Variants in FAM217B observed in about 807,000 individuals in gnomAD.
FAM217B encodes the protein family with sequence similarity 217 member B, also known as protein FAM217B.
For synonymous variants in FAM217B, 163 were observed against 173.0 expected, an observed-to-expected ratio of 0.94 and a Z score of 0.45; for missense variants, 463 against 456.9, an observed-to-expected ratio of 1.01 and a Z score of -0.12.
chr20:59,939,275 C>A, upstream of FAM217B: 1 of 1,612,286 alleles, frequency 6.2e-7, no homozygotes, highest in Non-Finnish European at 8.5e-7. Context: ...ACCGCGCCAC[C>A]GCCTCGTGGG....
In FAM217B at chr20:59,944,506, T is replaced by C; in HGVS notation, c.563T>C (p.Leu188Pro). 1 of 1,613,888 alleles carries C rather than the reference T, an allele frequency of 6.2e-7. No homozygotes were observed. The highest frequency in any genetic ancestry group is 8.5e-7 in the Non-Finnish European group (1 of 1,179,986). Reference sequence around the variant, plus strand: ...AAGTATATCGATAGACTTATTCAGCTTGAGTGGCTGCAAGTCCAGACTGTA... The same window carrying C: ...AAGTATATCGATAGACTTATTCAGCCTGAGTGGCTGCAAGTCCAGACTGTA... Reference protein sequence around the residue: ...LGKYIDRLIQLEWLQVQTVQC... With the variant: ...LGKYIDRLIQPEWLQVQTVQC... The change falls in exon 4 of 4, where the codon CTT (leucine) becomes CCT (proline). Residue 188 changes from leucine (L) to proline (P), a missense_variant. Coordinates refer to ENST00000360816, the MANE Select transcript of FAM217B (RefSeq NM_022106.3).
chr20:59,941,149 G>C (rs763335918), intron 1 of FAM217B, among the ~76,000 whole-genome samples: 1 of 152,214 alleles, frequency 6.6e-6, no homozygotes, highest in Admixed American at 6.5e-5. Context: ...ACAGCCTTTG[G>C]TGTAAAGCAT....
chr20:59,939,615 G>A, upstream of FAM217B: 3 of 1,592,166 alleles, frequency 1.9e-6, no homozygotes, highest in Non-Finnish European at 2.6e-6. Context: ...CAGGGCGTCG[G>A]CGAAGCGCAC....
chr20:59,938,943 ACAAC>A (rs1286504626), upstream of FAM217B: 2 of 1,306,590 alleles, frequency 1.5e-6, no homozygotes, highest in Non-Finnish European at 2.0e-6. Context: ...GTGGTGAAGA[ACAAC>A]CAGATAGATG....
chr20:59,942,812 T>A (rs1445607856), intron 3 of FAM217B, among the ~76,000 whole-genome samples: 2 of 152,190 alleles, frequency 1.3e-5, no homozygotes, highest in Non-Finnish European at 2.9e-5. Flanking sequence ...TTTTTATGGA[T>A]GCATACTGAC....
Position 59,944,548 on chromosome 20 carries a change from A to AG in FAM217B, c.611dup (p.Lys205GlnfsTer21), listed in dbSNP as rs762805656. The stretch of plus-strand genomic sequence containing the variant: ...CAGACTGTACAGTGTGAAAAAGCAA[A>AG]GGGGGGCAAAGCAAGGCCCCCCACT... On this transcript the variant is annotated frameshift_variant, in exon 4 of 4. Transcript: ENST00000360816. LOFTEE classifies it low-confidence loss of function (END_TRUNC). 10 of 1,613,936 alleles carry AG rather than the reference A, an allele frequency of 6.2e-6. No homozygotes were observed. Among genetic ancestry groups the AG allele is most frequent in the Admixed American group, 3.3e-5 (2 of 59,984 alleles).
Position 59,946,200 on chromosome 20 carries a change from A to G in FAM217B, c.*1105A>G, listed in dbSNP as rs781045254. 3 of 166,836 alleles carry G rather than the reference A, an allele frequency of 1.8e-5. No individual in the cohort carries two copies. The highest frequency in any genetic ancestry group is 7.3e-5 in the African/African-American group (3 of 41,354). 10.3% of individuals were successfully genotyped at this position (166,836 alleles called of 1,614,324 possible). A position where few individuals can be genotyped will look rare whatever the true frequency, so the allele number is the denominator to read the frequency against. ...GCTTATCTGGTCTTCAGGCTTCCCAACTCTCTCCAAGCCTTCTTATTTCAC... is the reference window on the plus strand; with the variant it reads ...GCTTATCTGGTCTTCAGGCTTCCCAGCTCTCTCCAAGCCTTCTTATTTCAC... On this transcript the variant is annotated 3_prime_UTR_variant, in exon 4 of 4. Coordinates refer to ENST00000360816, the MANE Select transcript of FAM217B (RefSeq NM_022106.3).
Position 59,944,143 on chromosome 20 carries a change from G to GT in FAM217B, c.201dup (p.Gln68SerfsTer7). ...AAAAGGAATCCACTCGGTTCCAGGT[G>GT]TCAGGGGGCCTCAGGGAATAAACTG... On this transcript the variant is annotated frameshift_variant, in exon 4 of 4. Transcript: ENST00000360816. LOFTEE classifies it low-confidence loss of function (END_TRUNC). 3 of 1,614,116 alleles carry GT rather than the reference G, an allele frequency of 1.9e-6. No homozygotes were observed. Among genetic ancestry groups the GT allele is most frequent in the Non-Finnish European group, 2.5e-6 (3 of 1,179,996 alleles).
At position 59,945,295 on chromosome 20, in the gene FAM217B, A is replaced by G. The variant is rs1240465849; in HGVS notation, c.*200A>G. On this transcript the variant is annotated 3_prime_UTR_variant, in exon 4 of 4. Coordinates refer to ENST00000360816, the MANE Select transcript of FAM217B (RefSeq NM_022106.3). The stretch of plus-strand genomic sequence containing the variant: ...TGTCTTTCAATAAGCCTTTCTTTGT[A>G]TTGTCAGTCTTAGGCAAATGAGAGC... 3.9e-6 allele frequency: 2 copies of G among 519,182 alleles called. No individual in the cohort carries two copies. The highest frequency in any genetic ancestry group is 6.9e-6 in the Non-Finnish European group (2 of 289,670). The allele number at this position is 519,182 out of a possible 1,614,324, so 32.2% of individuals were successfully genotyped here.
chr20:59,943,513 T>C (rs1451118635), intron 3 of FAM217B, among the ~76,000 whole-genome samples: 1 of 152,212 alleles, frequency 6.6e-6, no homozygotes, highest in East Asian at 1.9e-4. Context: ...TTAAAATAGG[T>C]GTATAAAATA....
chr20:59,944,354 A>T lies in FAM217B; in HGVS notation c.411A>T (p.Lys137Asn), dbSNP rs369470165. 6.2e-7 allele frequency: 1 copy of T among 1,613,724 alleles called. No homozygotes were observed. The highest frequency in any genetic ancestry group is 8.5e-7 in the Non-Finnish European group (1 of 1,179,944). Reference protein sequence around the residue: ...FDLHPGQGHTKPEYYYPNFLP... With the variant: ...FDLHPGQGHTNPEYYYPNFLP... ...TTCACCCTGGTCAGGGCCATACAAA[A>T]CCTGAATACTATTATCCTAATTTCC... Residue 137 changes from lysine (K) to asparagine (N), a missense_variant, in exon 4 of 4, where the codon AAA (lysine) becomes AAT (asparagine). Coordinates refer to ENST00000360816, the MANE Select transcript of FAM217B (RefSeq NM_022106.3).
At chr20:59,941,609 C>T (rs2060905527) in intron 1 of FAM217B, among the ~76,000 whole-genome samples, 1 of 152,098 alleles carries the variant, frequency 6.6e-6, no homozygotes. Flanking sequence ...AACAATGCTT[C>T]ATAAAGAGAT....
chr20:59,934,178 G>T (rs1009234494), intron 1 of FAM217B, among the ~76,000 whole-genome samples: 1 of 152,186 alleles, frequency 6.6e-6, no homozygotes, highest in Non-Finnish European at 1.5e-5. Context: ...CCGGCAGGGG[G>T]CGCAGGGCCG....
chr20:59,939,573 T>C (rs768535534), upstream of FAM217B: 2 of 1,610,816 alleles, frequency 1.2e-6, no homozygotes, highest in East Asian at 2.2e-5. Flanking sequence ...GTCTCCCGCG[T>C]TGAACACCTT....
chr20:59,938,949 A>G, upstream of FAM217B: 1 of 1,345,892 alleles, frequency 7.4e-7, no homozygotes, highest in South Asian at 1.8e-5. Flanking sequence ...AAGAACAACC[A>G]GATAGATGTG....
At chr20:59,936,867 G>A (rs1379250467), upstream of FAM217B, 1 of 152,330 alleles carries the variant, frequency 6.6e-6, no homozygotes, top group South Asian at 2.1e-4. Flanking sequence ...TTAGGCTTGG[G>A]TAAAATCATT....
upstream of FAM217B, chr20:59,939,427 CAA>C (rs2060884205): frequency 1.2e-6 from 2 of 1,611,180 alleles, no homozygotes; most frequent in African/African-American, 1.3e-5. Context: ...AGGCGCTCGC[CAA>C]AGTCGGCGGC....
upstream of FAM217B, chr20:59,940,182 C>G (rs921538543): frequency 7.9e-6 from 3 of 378,948 alleles, no homozygotes; most frequent in Non-Finnish European, 1.5e-5. Flanking sequence ...CTTTCAGAGG[C>G]CTCCCGGGAG....
At position 59,944,313 on chromosome 20, in the gene FAM217B, C is replaced by T. The variant is rs201010406; in HGVS notation, c.370C>T (p.Pro124Ser). The T allele has an allele frequency of 3.1e-6, 5 of 1,614,098 alleles. No homozygotes were observed. In the East Asian group the frequency reaches 8.9e-5, roughly 29 times the overall value. The change falls in exon 4 of 4, where the codon CCA becomes TCA. Residue 124 changes from proline (P) to serine (S), a missense_variant. Transcript: ENST00000360816. ...DLNLRAEEID[P>S]VYFDLHPGQG... ...CAATCTTCGAGCTGAAGAAATTGAT[C>T]CAGTTTACTTTGATCTTCACCCTGG...
Sources: allele counts gnomAD v4.1 joint callset (sites outside exome capture counted in the v4.1 genomes callset), GRCh38; gene constraint gnomAD v4.1.1; transcripts MANE v1.5; gene names NCBI Gene and HGNC (gene_info 2026-07-23, HGNC 2026-07-21).